Variants in MAPRE2 observed in about 807,000 individuals in gnomAD.
MAPRE2 encodes the protein microtubule associated protein RP/EB family member 2, also known as microtubule-associated protein RP/EB family member 2.
A neutral mutation model predicts 43.2 loss-of-function variants in MAPRE2; 13 were observed. The observed-to-expected ratio is 0.30, with a 90% CI of 0.20 to 0.48. The LOEUF is 0.48. Among genes scored for constraint, MAPRE2 ranks in the 20% least tolerant of loss-of-function variants. MAPRE2 has a pLI of 0.99. For missense variants in MAPRE2, 161 were observed against 400.2 expected, an observed-to-expected ratio of 0.40 and a Z score of 5.10; for synonymous variants, 135 against 148.8, an observed-to-expected ratio of 0.91 and a Z score of 0.68.
chr18:35,007,216 T>C (rs1042267773), intron 2 of MAPRE2, among the ~76,000 whole-genome samples: 1 of 152,176 alleles, frequency 6.6e-6, no homozygotes, highest in African/African-American at 2.4e-5. Flanking sequence ...ATATGTCGGG[T>C]CTGTATGAGG....
chr18:34,985,271 TA>T (rs1412385776), intron 1 of MAPRE2, among the ~76,000 whole-genome samples: 3 of 32,144 alleles, frequency 9.3e-5, no homozygotes, highest in Non-Finnish European at 1.1e-4. Context: ...ATATATTATA[TA>T]ATATAATATA....
chr18:35,040,394 C>A (rs2097053025), upstream of MAPRE2, among the ~76,000 whole-genome samples: 1 of 152,190 alleles, frequency 6.6e-6, no homozygotes, highest in Non-Finnish European at 1.5e-5. Flanking sequence ...ATTGAGCTCA[C>A]ATTACAGATC....
chr18:35,135,308 G>A (rs1192232189), intron 6 of MAPRE2, among the ~76,000 whole-genome samples: 1 of 152,170 alleles, frequency 6.6e-6, no homozygotes, highest in Non-Finnish European at 1.5e-5. Context: ...GGGCCTGGAT[G>A]CCGTGCTGGG....
At chr18:35,012,246 G>GTA (rs1393870415) in intron 2 of MAPRE2, among the ~76,000 whole-genome samples, 2 of 152,242 alleles carry the variant, frequency 1.3e-5, no homozygotes, top group South Asian at 4.1e-4. Flanking sequence ...ATATCTTTAT[G>GTA]TATATATATG....
At chr18:35,112,132 G>A (rs1266915204) in intron 4 of MAPRE2, among the ~76,000 whole-genome samples, 3 of 151,308 alleles carry the variant, frequency 2.0e-5, no homozygotes, top group Admixed American at 1.3e-4. Flanking sequence ...ATAGATGTTA[G>A]TACTTCTCAT....
chr18:35,125,653 G>T (rs1050569829), intron 4 of MAPRE2, among the ~76,000 whole-genome samples: 4 of 152,214 alleles, frequency 2.6e-5, no homozygotes, highest in Admixed American at 2.6e-4. Context: ...GAATGGACGG[G>T]CCCCCAGTAG....
chr18:34,982,755 A>G (rs1446120002), intron 1 of MAPRE2, among the ~76,000 whole-genome samples: 1 of 152,194 alleles, frequency 6.6e-6, no homozygotes. Context: ...AATTACATTA[A>G]GCTGTGTTGA....
chr18:34,992,481 A>G (rs1256421067), intron 1 of MAPRE2, among the ~76,000 whole-genome samples: 2 of 152,180 alleles, frequency 1.3e-5, no homozygotes, highest in Non-Finnish European at 2.9e-5. Context: ...AACTCAATTC[A>G]CTTTTGTGAC....
chr18:35,139,394 TTG>T (rs1466752774), intron 6 of MAPRE2, among the ~76,000 whole-genome samples: 3 of 152,148 alleles, frequency 2.0e-5, no homozygotes, highest in African/African-American at 7.2e-5. Context: ...AGCAAATATT[TTG>T]TGTGAGTTCA....
upstream of MAPRE2, among the ~76,000 whole-genome samples, chr18:35,038,065 C>T (rs2097051608): frequency 6.6e-6 from 1 of 152,188 alleles, no homozygotes; most frequent in Admixed American, 6.5e-5. Context: ...ACAGATGTGG[C>T]CCTTGCCCCT....
chr18:35,068,744 G>A (rs954526780), intron 1 of MAPRE2, among the ~76,000 whole-genome samples: 1 of 152,176 alleles, frequency 6.6e-6, no homozygotes, highest in Non-Finnish European at 1.5e-5. Flanking sequence ...AAGTTTTAGT[G>A]AATTATTGGA....
chr18:35,008,656 T>A (rs1226786960), intron 2 of MAPRE2, among the ~76,000 whole-genome samples: 2 of 152,234 alleles, frequency 1.3e-5, no homozygotes, highest in African/African-American at 4.8e-5. Flanking sequence ...TAAAAAATGC[T>A]ATGCTAAATT....
intron 2 of MAPRE2, among the ~76,000 whole-genome samples, chr18:35,086,564 TA>T (rs763555703): frequency 2.0e-4 from 30 of 151,964 alleles, no homozygotes; most frequent in Non-Finnish European, 3.7e-4. Flanking sequence ...GAATTATCTA[TA>T]AAAATCTATA....
chr18:35,005,401 A>T (rs2150580588), intron 1 of MAPRE2: 1 of 699,116 alleles, frequency 1.4e-6, no homozygotes, highest in Non-Finnish European at 2.4e-6. Flanking sequence ...TGCTGGCCAC[A>T]CCCACTAAAC....
At chr18:35,004,837 G>A (rs887861535) in intron 1 of MAPRE2, among the ~76,000 whole-genome samples, 7 of 151,320 alleles carry the variant, frequency 4.6e-5, no homozygotes, top group Admixed American at 2.0e-4. Flanking sequence ...AGAATGGCGT[G>A]AGCCCAGGAG....
intron 2 of MAPRE2, among the ~76,000 whole-genome samples, chr18:35,083,026 T>C (rs1907715624): frequency 6.6e-6 from 1 of 152,180 alleles, no homozygotes; most frequent in Non-Finnish European, 1.5e-5. Context: ...TGTTTAACAT[T>C]GCTAAATAAA....
intron 1 of MAPRE2, among the ~76,000 whole-genome samples, chr18:34,985,311 TTATATTATATATATAATATAATATATAA>T (rs2097019383): frequency 2.5e-5 from 1 of 39,560 alleles, no homozygotes; most frequent in Non-Finnish European, 4.0e-5. Flanking sequence ...ATTGTATATA[TTATATTATATATATAATATAATATATAA>T]TATATTATAT....
chr18:35,012,813 G>T (rs1194874633), intron 2 of MAPRE2, among the ~76,000 whole-genome samples: 1 of 152,180 alleles, frequency 6.6e-6, no homozygotes, highest in Non-Finnish European at 1.5e-5. Flanking sequence ...ACATTCTGGA[G>T]AAGGATGGTG....
rs985782046 is a variant in MAPRE2, at chr18:35,041,875, G to A, written c.122+214G>A. 3.2e-5 allele frequency: 39 copies of A among 1,207,166 alleles called. No homozygotes were observed. In the Admixed American group the frequency reaches 3.7e-4, roughly 11 times the overall value. The allele number at this position is 1,207,166 out of a possible 1,614,324, so 74.8% of individuals were successfully genotyped here. The stretch of plus-strand genomic sequence containing the variant: ...CAGATGGAAAGCATTTTGTGAATAG[G>A]TTTGCTGCCTTCGAGGGGTCTCCCT... On this transcript the variant is annotated intron_variant, in intron 1 of 6. Transcript: ENST00000300249.
Sources: gnomAD v4.1 joint callset for allele counts (sites outside exome capture counted in the v4.1 genomes callset) on GRCh38, gnomAD v4.1.1 for gene constraint, MANE v1.5 for transcripts, NCBI Gene and HGNC (gene_info 2026-07-23, HGNC 2026-07-21) for gene names.